FAM193A: variants seen among roughly 807,000 people sequenced by gnomAD.
FAM193A encodes protein FAM193A.
Under a neutral mutation model 126.5 loss-of-function variants are expected in FAM193A, and 22 were observed. That is an observed-to-expected ratio of 0.17 (90% confidence interval 0.12 to 0.25). The LOEUF (loss-of-function observed/expected upper bound fraction) is 0.25, where lower values mean the gene tolerates loss of function less well. FAM193A is among the 10% of genes least tolerant of loss of function. The pLI is 1.00. For synonymous variants in FAM193A, 761 were observed against 646.8 expected, an observed-to-expected ratio of 1.18 and a Z score of -2.68; for missense variants, 1,675 against 1,672.8, an observed-to-expected ratio of 1.00 and a Z score of -0.02.
intron 6 of FAM193A, 111 bp from the exon 7 acceptor site, chr4:2,646,574 G>A (rs964176649): frequency 1.7e-5 from 20 of 1,175,636 alleles, no homozygotes; most frequent in Admixed American, 7.1e-5. Flanking sequence ...TGTTTTCCAC[G>A]TTGGGAGGCG....
At chr4:2,689,461 CAG>C (rs1306877183) in intron 13 of FAM193A, 43 bp from the exon 14 acceptor site, 7 of 1,411,264 alleles carry the variant, frequency 5.0e-6, no homozygotes, top group South Asian at 1.3e-5. Flanking sequence ...CCTAGGTAAA[CAG>C]AATATTAATT....
chr4:2,545,912 G>A (rs1269998186), intron 1 of FAM193A, among the ~76,000 whole-genome samples: 2 of 152,164 alleles, frequency 1.3e-5, no homozygotes, highest in African/African-American at 4.8e-5. Context: ...CACTTTGGGA[G>A]GCTGAGGCGG....
At position 2,614,437 on chromosome 4, in the gene FAM193A, AC is replaced by A. The variant is rs756223740; in HGVS notation, c.502-10823del. Among the ~76,000 whole-genome samples the A allele has an allele frequency of 5.9e-5, 9 of 152,216 alleles. No individual in the cohort carries two copies. The South Asian group carries it at 8.3e-4, about 14-fold the overall frequency. On this transcript the variant is annotated intron_variant, in intron 2 of 20. Coordinates refer to ENST00000637812, the MANE Select transcript of FAM193A (RefSeq NM_001366318.2). The stretch of plus-strand genomic sequence containing the variant: ...TTGGTGATTTTCAAAATGTTGGAAA[AC>A]CTTGCATTCCTGGGATAACTCACAT...
At chr4:2,689,429 C>G in intron 13 of FAM193A, 77 bp from the exon 14 acceptor site, 3 of 1,052,774 alleles carry the variant, frequency 2.8e-6, no homozygotes, top group Non-Finnish European at 4.1e-6. Flanking sequence ...AATGAATTGT[C>G]TGTCTGTAGT....
Position 2,731,918 on chromosome 4 carries a change from A to C in FAM193A, c.*50A>C. On this transcript the variant is annotated 3_prime_UTR_variant, in exon 21 of 21. Coordinates refer to ENST00000637812, the MANE Select transcript of FAM193A (RefSeq NM_001366318.2). ...CGCGAGAGGCAGGCCAGGCTGCACC[A>C]CCCCAAGAGCCACGCCCCTCGCTGG... is the stretch of plus-strand genomic sequence containing the variant. 4 of 1,396,956 alleles carry C rather than the reference A, an allele frequency of 2.9e-6. No individual in the cohort carries two copies. Among genetic ancestry groups the C allele is most frequent in the Non-Finnish European group, 4.1e-6 (4 of 984,398 alleles). 86.5% of individuals were successfully genotyped at this position (1,396,956 alleles called of 1,614,324 possible).
chr4:2,593,967 G>A (rs748766609), intron 1 of FAM193A, among the ~76,000 whole-genome samples: 14 of 151,620 alleles, frequency 9.2e-5, no homozygotes, highest in African/African-American at 2.4e-4. Flanking sequence ...GTAGTCTGGC[G>A]TTCTCTAGGA....
chr4:2,615,107 G>T (rs745686255), intron 2 of FAM193A: 1 of 151,038 alleles, frequency 6.6e-6, no homozygotes, highest in Non-Finnish European at 1.5e-5. Flanking sequence ...TACTTATTTT[G>T]TATTTATTTA....
At chr4:2,553,622 GCCCGCCTTGGCCTTC>G (rs1019007075) in intron 1 of FAM193A, among the ~76,000 whole-genome samples, 9 of 152,012 alleles carry the variant, frequency 5.9e-5, no homozygotes, top group South Asian at 2.1e-4. Flanking sequence ...CTCGTGATCT[GCCCGCCTTGGCCTTC>G]CAAAGTGCTG....
At position 2,690,997 on chromosome 4, in the gene FAM193A, C is replaced by T. The variant is rs114063677; in HGVS notation, c.2803+27C>T. On this transcript the variant is annotated intron_variant, in intron 15 of 20. Transcript: ENST00000637812. ...TAAGGCTTGAAGGCTCACTGGCCCTCGGGGTCTGCAGGAAGGCTGGGCTTA... is the reference window on the plus strand; with the variant it reads ...TAAGGCTTGAAGGCTCACTGGCCCTTGGGGTCTGCAGGAAGGCTGGGCTTA... 1,918 of 1,590,434 alleles carry T rather than the reference C, an allele frequency of 1.2e-3. 12 individuals are homozygous for T. The African/African-American group carries it at 0.013, about 11-fold the overall frequency.
chr4:2,707,786 C>T (rs1312556119), intron 19 of FAM193A, among the ~76,000 whole-genome samples: 1 of 149,372 alleles, frequency 6.7e-6, no homozygotes, highest in Non-Finnish European at 1.5e-5. Context: ...AATCTCGGCT[C>T]ACTGCAACCT....
intron 2 of FAM193A, among the ~76,000 whole-genome samples, chr4:2,613,921 C>G (rs890947125): frequency 6.6e-6 from 1 of 151,876 alleles, no homozygotes; most frequent in Non-Finnish European, 1.5e-5. Flanking sequence ...ATTACAGGTG[C>G]GTACCACCAT....
chr4:2,704,777 T>G (rs1008949754), intron 19 of FAM193A, among the ~76,000 whole-genome samples: 2 of 152,186 alleles, frequency 1.3e-5, no homozygotes, highest in Non-Finnish European at 2.9e-5. Context: ...AGTTTTCATT[T>G]GCATTTTTCT....
At chr4:2,631,786 C>T (rs1372516416) in intron 5 of FAM193A, among the ~76,000 whole-genome samples, 2 of 152,136 alleles carry the variant, frequency 1.3e-5, no homozygotes, top group African/African-American at 2.4e-5. Context: ...GGAATCACTA[C>T]ATTGGGTGGA....
chr4:2,730,482 A>G (rs567010883), intron 20 of FAM193A, among the ~76,000 whole-genome samples: 1 of 152,042 alleles, frequency 6.6e-6, no homozygotes, highest in South Asian at 2.1e-4. Context: ...CAAGGTCAGG[A>G]TATTGAGAGC....
intron 7 of FAM193A, among the ~76,000 whole-genome samples, chr4:2,649,238 G>A (rs1745431070): frequency 1.3e-5 from 2 of 151,536 alleles, no homozygotes; most frequent in Admixed American, 1.3e-4. Context: ...GCCAGGCTGG[G>A]TGCCGTGTGT....
chr4:2,628,723 C>G (rs1384669167), intron 4 of FAM193A, among the ~76,000 whole-genome samples: 1 of 152,174 alleles, frequency 6.6e-6, no homozygotes, highest in Non-Finnish European at 1.5e-5. Flanking sequence ...GACTTCACAG[C>G]TTATTAACAT....
At chr4:2,538,686 CG>C (rs1183181389) in intron 1 of FAM193A, among the ~76,000 whole-genome samples, 13 of 42,286 alleles carry the variant, frequency 3.1e-4, no homozygotes, top group East Asian at 8.2e-4. Flanking sequence ...TAGGGGAGGG[CG>C]GGGGGGGTTT....
chr4:2,624,496 A>G (rs555571741), intron 2 of FAM193A, among the ~76,000 whole-genome samples: 250 of 152,220 alleles, frequency 1.6e-3, no homozygotes, highest in African/African-American at 5.0e-3. Flanking sequence ...AGTGCAGGCT[A>G]TGGGATTCCC....
chr4:2,606,586 C>T (rs914348286), intron 2 of FAM193A, among the ~76,000 whole-genome samples: 3 of 152,178 alleles, frequency 2.0e-5, no homozygotes, highest in Non-Finnish European at 4.4e-5. Flanking sequence ...TTTCCCTACA[C>T]TGTTATGTGA....
Sources: allele counts gnomAD v4.1 joint callset (sites outside exome capture counted in the v4.1 genomes callset), GRCh38; gene constraint gnomAD v4.1.1; transcripts MANE v1.5; gene names NCBI Gene and HGNC (gene_info 2026-07-23, HGNC 2026-07-21).